TRPM5: variants seen among roughly 807,000 people sequenced by gnomAD.
The protein encoded by TRPM5 is MLSN1 and TRP-related.
Under a neutral mutation model 124.9 loss-of-function variants are expected in TRPM5, and 121 were observed. That is an observed-to-expected ratio of 0.97 (90% CI 0.84 to 1.13). TRPM5 has a LOEUF of 1.13. Ranked by LOEUF, TRPM5 falls within the 50% of genes most tolerant of loss-of-function variation. The probability of loss-of-function intolerance (pLI) is 0.00; values close to 1 mark genes in which losing one functional copy is unlikely to be tolerated. For missense variants in TRPM5, 1,643 were observed against 1,589.1 expected (o/e 1.03, Z -0.58); for synonymous variants, 781 against 700.5 (o/e 1.11, Z -1.81).
At chr11:2,444,101 C>G in the TRPM5 span, among the ~76,000 whole-genome samples, 14 of 152,086 alleles carry the variant, frequency 9.2e-5, no homozygotes, top group Non-Finnish European at 2.1e-4. Context: ...TGTGCCGCCC[C>G]CACCCCCCAG....
chr11:2,433,274 C>G, the TRPM5 span, among the ~76,000 whole-genome samples: 1 of 152,238 alleles, frequency 6.6e-6, no homozygotes, highest in Non-Finnish European at 1.5e-5. Flanking sequence ...TGTCCTGGAG[C>G]TTCCACAGCT....
chr11:2,415,628 C>T (rs375698366), intron 8 of TRPM5, among the ~76,000 whole-genome samples, 157 bp from the exon 14 acceptor site: 6 of 152,354 alleles, frequency 3.9e-5, no homozygotes, highest in African/African-American at 1.4e-4. Context: ...AGCCTGCCCC[C>T]TGCATTGGGG....
At chr11:2,413,839 G>A (rs1224660259) in intron 12 of TRPM5, among the ~76,000 whole-genome samples, 1 of 152,222 alleles carries the variant, frequency 6.6e-6, no homozygotes, top group Admixed American at 6.5e-5. Flanking sequence ...AGGACTGAGA[G>A]GAGGAAGTGC....
chr11:2,439,201 C>G, the TRPM5 span, among the ~76,000 whole-genome samples: 1 of 152,154 alleles, frequency 6.6e-6, no homozygotes, highest in South Asian at 2.1e-4. Context: ...GATTTAAATG[C>G]GAGACCTCAA....
chr11:2,413,961 G>A, intron 12 of TRPM5, 100 bp downstream of exon 17: 1 of 1,482,112 alleles, frequency 6.7e-7, no homozygotes, highest in Non-Finnish European at 9.1e-7. Flanking sequence ...GGACGGGAGT[G>A]ACAGGGCAGC....
the TRPM5 span, among the ~76,000 whole-genome samples, chr11:2,430,789 T>C: frequency 6.6e-6 from 1 of 150,590 alleles, no homozygotes; most frequent in Non-Finnish European, 1.5e-5. Flanking sequence ...GTGTTGATGG[T>C]GGTGGTGGTT....
At chr11:2,440,649 G>A in the TRPM5 span, among the ~76,000 whole-genome samples, 10 of 151,964 alleles carry the variant, frequency 6.6e-5, no homozygotes, top group East Asian at 1.2e-3. The surrounding 1 kb of genome is among the most constrained non-coding windows in gnomAD (Gnocchi z 5.2). Flanking sequence ...TGCCCCCTTC[G>A]TTTTTTTTGT....
At chr11:2,408,477 C>A (rs182515969) in intron 18 of TRPM5, among the ~76,000 whole-genome samples, 1 of 152,350 alleles carries the variant, frequency 6.6e-6, no homozygotes, top group Admixed American at 6.5e-5. Flanking sequence ...CCAGACTGGG[C>A]TTGCTGCAAG....
chr11:2,408,917 CAT>C (rs1565007055), intron 18 of TRPM5, among the ~76,000 whole-genome samples: 1 of 152,242 alleles, frequency 6.6e-6, no homozygotes, highest in African/African-American at 2.4e-5. Flanking sequence ...CACACATGCT[CAT>C]GTGTGAGTCT....
intron 22 of TRPM5, 31 bp downstream of exon 27, chr11:2,405,988 A>T: frequency 1.9e-6 from 3 of 1,589,280 alleles, no homozygotes; most frequent in East Asian, 2.2e-5. Context: ...CCCGCCTCCC[A>T]TCAGGGAGAG....
exon 10 of TRPM5, chr11:2,414,936 G>T (rs754053029): frequency 6.2e-7 from 1 of 1,605,110 alleles, no homozygotes; most frequent in Non-Finnish European, 8.5e-7. Context: ...GCCATCTCGT[G>T]GCGGTTCTGC....
chr11:2,417,966 GC>G, intron 6 of TRPM5, 137 bp from the exon 12 acceptor site: 1 of 1,022,930 alleles, frequency 9.8e-7, no homozygotes, highest in East Asian at 2.6e-5. Flanking sequence ...CGCCCACCGG[GC>G]CCGGCCTGGG....
At chr11:2,411,380 G>A (rs148376691) in exon 18 of TRPM5, 32 of 1,609,092 alleles carry the variant, frequency 2.0e-5, no homozygotes, top group African/African-American at 1.3e-4. Flanking sequence ...GGATCTGGCC[G>A]AAGATCTGCA....
At chr11:2,437,186 T>G in the TRPM5 span, among the ~76,000 whole-genome samples, 2 of 152,238 alleles carry the variant, frequency 1.3e-5, no homozygotes, top group African/African-American at 2.4e-5. This position sits in a 1 kb window ranked among gnomAD's most constrained non-coding sequence, Gnocchi z 5.6. Flanking sequence ...CACCTACACA[T>G]ACTTGCACAC....
In TRPM5 at chr11:2,419,403, T is replaced by G. The variant is rs531864252; in HGVS notation, c.650-812A>C. Among the ~76,000 whole-genome samples, 73 of 146,824 alleles carry G rather than the reference T, an allele frequency of 5.0e-4. 1 individual carries two copies. In the South Asian group the frequency reaches 0.012, roughly 24 times the overall value. On this transcript the variant is annotated intron_variant, in intron 4 of 23. Coordinates refer to ENST00000155858, the Ensembl canonical transcript of TRPM5. Reference sequence around the variant, plus strand: ...CAGGCAGATCACCTGAGATCAGGAGTTCAAGACCAGCCTGGCCAACATGGT... The same window carrying G: ...CAGGCAGATCACCTGAGATCAGGAGGTCAAGACCAGCCTGGCCAACATGGT...
the TRPM5 span, among the ~76,000 whole-genome samples, chr11:2,429,438 TGTG>T: frequency 8.6e-4 from 129 of 149,162 alleles, no homozygotes; most frequent in East Asian, 0.017. The surrounding 1 kb of genome is among the most constrained non-coding windows in gnomAD (Gnocchi z 8.4). Flanking sequence ...TGTTAATAAT[TGTG>T]GTGATGTTGG....
intron 18 of TRPM5, among the ~76,000 whole-genome samples, chr11:2,410,511 AC>A (rs1850423870): frequency 6.6e-6 from 1 of 151,822 alleles, no homozygotes; most frequent in Non-Finnish European, 1.5e-5. Context: ...CTGCTGGTCC[AC>A]CTTCCCAGAG....
exon 9 of TRPM5, chr11:2,415,330 G>A (rs775424915): frequency 8.2e-6 from 13 of 1,585,110 alleles, no homozygotes; most frequent in African/African-American, 6.7e-5. Flanking sequence ...AGGCTCTTGC[G>A]TGACACGGAG....
chr11:2,420,450 T>A, intron 3 of TRPM5, 45 bp from the exon 9 acceptor site: 2 of 1,487,382 alleles, frequency 1.3e-6, no homozygotes, highest in Non-Finnish European at 1.8e-6. Flanking sequence ...GAGAGGCAGC[T>A]TGGGCTGGTC....
Sources: allele counts gnomAD v4.1 joint callset (sites outside exome capture counted in the v4.1 genomes callset), GRCh38; gene constraint gnomAD v4.1.1; non-coding constraint Gnocchi (gnomAD v3.1); transcripts MANE v1.5; gene names NCBI Gene and HGNC (gene_info 2026-07-23, HGNC 2026-07-21).